The following CACHD1 variants were observed in gnomAD, a reference collection of about 807,000 sequenced individuals.
CACHD1 encodes VWFA and cache domain-containing protein 1.
A neutral mutation model predicts 138.7 loss-of-function variants in CACHD1; 71 were observed. That is an observed-to-expected ratio of 0.51 (90% CI 0.42 to 0.62). CACHD1 has a LOEUF of 0.62. Ranked by LOEUF, CACHD1 falls within the 20% of genes least tolerant of loss-of-function variation. The pLI is 0.00. For synonymous variants in CACHD1, 578 were observed against 591.5 expected (o/e 0.98, Z 0.33); for missense variants, 1,389 against 1,625.3 (o/e 0.85, Z 2.50).
At chr1:64,634,995 CAAAAAAA>C (rs71056059) in intron 7 of CACHD1, among the ~76,000 whole-genome samples, 1 of 63,874 alleles carries the variant, frequency 1.6e-5, no homozygotes, top group Non-Finnish European at 2.6e-5. Flanking sequence ...GACTCTGTCT[CAAAAAAA>C]AAAAAAAAAA....
chr1:64,681,541 G>GTTTTTTGTTTTTTTTTTT (rs1650182741), intron 25 of CACHD1, among the ~76,000 whole-genome samples: 1 of 68,132 alleles, frequency 1.5e-5, no homozygotes, highest in South Asian at 6.3e-4. Context: ...ATTTTATTGT[G>GTTTTTTGTTTTTTTTTTT]TTTTTTTTTT....
chr1:64,627,576 G>C (rs1648154768), intron 4 of CACHD1, among the ~76,000 whole-genome samples: 2 of 152,208 alleles, frequency 1.3e-5, no homozygotes, highest in Admixed American at 1.3e-4. Flanking sequence ...GCACATGACT[G>C]TTGCACCTGA....
At chr1:64,595,857 G>A (rs891386747) in intron 3 of CACHD1, among the ~76,000 whole-genome samples, 10 of 152,164 alleles carry the variant, frequency 6.6e-5, no homozygotes, top group Admixed American at 2.0e-4. Flanking sequence ...AATAGAGAGG[G>A]AGACACTTTA....
At chr1:64,506,302 C>CA (rs1646376328) in intron 1 of CACHD1, 1 of 152,226 alleles carries the variant, frequency 6.6e-6, no homozygotes, top group African/African-American at 2.4e-5. Context: ...TTCAGGGATG[C>CA]AGACAGGTGA....
At chr1:64,635,615 C>G (rs1648498090) in intron 7 of CACHD1, among the ~76,000 whole-genome samples, 1 of 151,054 alleles carries the variant, frequency 6.6e-6, no homozygotes, top group Admixed American at 6.6e-5. Context: ...AACTCCTGAC[C>G]TTGTAATCCC....
At chr1:64,569,788 C>T (rs958081412) in intron 2 of CACHD1, among the ~76,000 whole-genome samples, 4 of 151,830 alleles carry the variant, frequency 2.6e-5, no homozygotes, top group African/African-American at 9.7e-5. Context: ...GGGCTTTTTA[C>T]TCAAATAGTC....
chr1:64,551,611 G>T (rs930933390), intron 2 of CACHD1, among the ~76,000 whole-genome samples: 4 of 152,124 alleles, frequency 2.6e-5, no homozygotes, highest in East Asian at 1.9e-4. Flanking sequence ...CTGAGATTCC[G>T]CCATTATTAT....
At chr1:64,498,914 T>C (rs914576657) in intron 1 of CACHD1, among the ~76,000 whole-genome samples, 3 of 152,238 alleles carry the variant, frequency 2.0e-5, no homozygotes, top group Non-Finnish European at 4.4e-5. Flanking sequence ...ACTTGCAGAA[T>C]GGAGAACCAT....
At chr1:64,517,100 G>A (rs1646464752) in intron 1 of CACHD1, among the ~76,000 whole-genome samples, 1 of 152,192 alleles carries the variant, frequency 6.6e-6, no homozygotes, top group African/African-American at 2.4e-5. Context: ...GTGAGACATA[G>A]TAGGTACTGA....
intron 2 of CACHD1, among the ~76,000 whole-genome samples, chr1:64,571,397 A>G (rs542852371): frequency 1.3e-5 from 2 of 152,346 alleles, no homozygotes; most frequent in East Asian, 1.9e-4. Context: ...CATAGTATCA[A>G]TGAAATCTTA....
Position 64,676,887 on chromosome 1 carries a change from C to A in CACHD1, c.2976-8C>A. 6.2e-7 allele frequency: 1 copy of A among 1,611,896 alleles called. No homozygotes were observed. Among genetic ancestry groups the A allele is most frequent in the Non-Finnish European group, 8.5e-7 (1 of 1,178,520 alleles). The stretch of plus-strand genomic sequence containing the variant: ...TCGTCTTAACCTCCAGACTTACCTC[C>A]TGCACAGAAACCCCAGCTGCGAGGT... On this transcript the variant is annotated splice_polypyrimidine_tract_variant and splice_region_variant and intron_variant, in intron 21 of 26. Transcript: ENST00000651257.
At chr1:64,538,430 T>A (rs1464544695) in intron 1 of CACHD1, among the ~76,000 whole-genome samples, 2 of 152,192 alleles carry the variant, frequency 1.3e-5, no homozygotes, top group East Asian at 3.8e-4. Flanking sequence ...ACAGAAAGAC[T>A]CTTAGCATTA....
chr1:64,536,948 C>T (rs186454082), intron 1 of CACHD1, among the ~76,000 whole-genome samples: 7 of 152,160 alleles, frequency 4.6e-5, no homozygotes, highest in South Asian at 2.1e-4. Context: ...CAGGCTCAGA[C>T]GGTTTGGATA....
At chr1:64,638,059 G>T (rs1330809688) in intron 7 of CACHD1, among the ~76,000 whole-genome samples, 1 of 152,060 alleles carries the variant, frequency 6.6e-6, no homozygotes, top group Admixed American at 6.5e-5. Context: ...TGATTATTAT[G>T]ATATTCAGTT....
chr1:64,621,237 A>G (rs575690908), intron 4 of CACHD1, among the ~76,000 whole-genome samples: 1 of 152,268 alleles, frequency 6.6e-6, no homozygotes, highest in African/African-American at 2.4e-5. Flanking sequence ...AAAGACTGAC[A>G]TTAAATTTTT....
chr1:64,622,556 T>C (rs1647952616), intron 4 of CACHD1, among the ~76,000 whole-genome samples: 1 of 152,232 alleles, frequency 6.6e-6, no homozygotes, highest in Non-Finnish European at 1.5e-5. Context: ...CCCCTGCATG[T>C]TTATATATTT....
rs1045457924 is a variant in CACHD1, at chr1:64,520,257, A to T, written c.199-30337A>T. Among the ~76,000 whole-genome samples the T allele has an allele frequency of 8.5e-5, 13 of 152,218 alleles. 1 individual carries two copies. The highest frequency in any genetic ancestry group is 3.1e-4 in the African/African-American group (13 of 41,470). The stretch of plus-strand genomic sequence containing the variant: ...AGGTATTTCTAGAATATTTTGGCCA[A>T]TTCTCATAATTTGAATATATGTTTA... On this transcript the variant is annotated intron_variant, in intron 1 of 26. Coordinates refer to ENST00000651257, the MANE Select transcript of CACHD1 (RefSeq NM_020925.4).
rs762803474 is a variant in CACHD1 at position 64,664,649 on chromosome 1, A to G, written c.2246A>G (p.Asp749Gly). Reference sequence around the variant, plus strand: ...AGAATTTATCCTGGTTCCCTCATGGACAAAGCATTTGATCCCACTAGGAGA... The same window carrying G: ...AGAATTTATCCTGGTTCCCTCATGGGCAAAGCATTTGATCCCACTAGGAGA... The part of the protein sequence containing the change: ...VLRIYPGSLM[D>G]KAFDPTRRQW... The change falls in exon 15 of 27, where the codon GAC becomes GGC. Residue 749 changes from aspartate (D) to glycine (G), a missense_variant. This residue lies in a region of CACHD1 where 1,000 missense variants were observed against 1,114.7 expected (regional missense o/e 0.90). Transcript: ENST00000651257. 1 of 1,614,190 alleles carries G rather than the reference A, an allele frequency of 6.2e-7. No homozygotes were observed. The highest frequency in any genetic ancestry group is 1.1e-5 in the South Asian group (1 of 91,080).
At chr1:64,612,342 A>T (rs1421059531) in intron 4 of CACHD1, among the ~76,000 whole-genome samples, 3 of 152,202 alleles carry the variant, frequency 2.0e-5, no homozygotes, top group Non-Finnish European at 4.4e-5. Flanking sequence ...TCATACTGTG[A>T]GATCACAGAA....
Sources: gnomAD v4.1 joint callset for allele counts (sites outside exome capture counted in the v4.1 genomes callset) on GRCh38, gnomAD v4.1.1 for gene constraint, gnomAD v4.1.1 regional missense constraint, MANE v1.5 for transcripts, NCBI Gene and HGNC (gene_info 2026-07-23, HGNC 2026-07-21) for gene names.